The following CNTNAP5 variants were observed in gnomAD, a reference collection of about 807,000 sequenced individuals.
CNTNAP5 encodes contactin associated protein family member 5, also known as contactin-associated protein-like 5.
Under a neutral mutation model 150.2 loss-of-function variants are expected in CNTNAP5, and 72 were observed. The ratio of observed to expected loss-of-function variants is 0.48; its 90% CI spans 0.40 to 0.58. The LOEUF (loss-of-function observed/expected upper bound fraction) is 0.58, where lower values mean the gene tolerates loss of function less well. Ranked by LOEUF, CNTNAP5 falls within the 20% of genes least tolerant of loss-of-function variation. The probability of loss-of-function intolerance (pLI) is 0.00; values close to 1 mark genes in which losing one functional copy is unlikely to be tolerated. For missense variants in CNTNAP5, 1,636 were observed against 1,626.2 expected (o/e 1.01, Z -0.10); for synonymous variants, 672 against 619.8 (o/e 1.08, Z -1.25).
chr2:124,455,407 A>C (rs1031668080), intron 6 of CNTNAP5, among the ~76,000 whole-genome samples: 1 of 152,132 alleles, frequency 6.6e-6, no homozygotes, highest in Non-Finnish European at 1.5e-5. Context: ...AATAGTAATC[A>C]AAAAATTACC....
chr2:124,688,642 G>C (rs1359996320), intron 13 of CNTNAP5, among the ~76,000 whole-genome samples: 3 of 152,034 alleles, frequency 2.0e-5, no homozygotes, highest in Non-Finnish European at 2.9e-5. Context: ...GAGTTCACTC[G>C]GGGACATGCA....
chr2:124,694,175 A>G lies in CNTNAP5; in HGVS notation c.2077+46217A>G, dbSNP rs112123267. Among the ~76,000 whole-genome samples the G allele has an allele frequency of 1.4e-4, 21 of 152,304 alleles. 1 individual carries two copies. Among genetic ancestry groups the G allele is most frequent in the African/African-American group, 4.8e-4 (20 of 41,576 alleles). On this transcript the variant is annotated intron_variant, in intron 13 of 23. Coordinates refer to ENST00000682447, the MANE Select transcript of CNTNAP5 (RefSeq NM_001367498.1). ...CTACTCAGTAAGTTTCTTCAAATGA[A>G]TGCTTTCAGGCCTAGGTAGTAAACA...
At chr2:124,313,354 T>C (rs1185826223) in intron 3 of CNTNAP5, among the ~76,000 whole-genome samples, 1 of 152,196 alleles carries the variant, frequency 6.6e-6, no homozygotes, top group East Asian at 1.9e-4. Flanking sequence ...ACTTCTAGAA[T>C]CTCTGTTACT....
intron 8 of CNTNAP5, among the ~76,000 whole-genome samples, chr2:124,510,281 A>ATATATATC (rs1436160159): frequency 9.1e-5 from 1 of 10,974 alleles, no homozygotes; most frequent in Non-Finnish European, 2.4e-4. Context: ...ATCTATATCT[A>ATATATATC]TATCTATATA....
chr2:124,343,623 G>A (rs1212154953), intron 3 of CNTNAP5, among the ~76,000 whole-genome samples: 1 of 152,136 alleles, frequency 6.6e-6, no homozygotes, highest in East Asian at 1.9e-4. Flanking sequence ...CATAGTTGTA[G>A]AGAAACTTTT....
At chr2:124,713,367 CTT>C (rs1181536205) in intron 13 of CNTNAP5, among the ~76,000 whole-genome samples, 1 of 121,562 alleles carries the variant, frequency 8.2e-6, no homozygotes, top group Non-Finnish European at 1.7e-5. Context: ...TTCTTTCTTT[CTT>C]TCTTTCTTTC....
chr2:124,789,826 C>A, intron 17 of CNTNAP5, 76 bp from the exon 18 acceptor site: 1 of 1,370,264 alleles, frequency 7.3e-7, no homozygotes, highest in Non-Finnish European at 1.0e-6. Context: ...TTAACTCTTA[C>A]CCATGCCAAC....
chr2:124,416,463 C>G (rs772916005), intron 3 of CNTNAP5, among the ~76,000 whole-genome samples: 26 of 151,798 alleles, frequency 1.7e-4, no homozygotes, highest in Non-Finnish European at 2.9e-4. Flanking sequence ...TATTAGTAGA[C>G]CACATAGCTT....
At position 124,586,037 on chromosome 2, in the gene CNTNAP5, A is replaced by G. The variant is rs1265047132; in HGVS notation, c.1756+22714A>G. On this transcript the variant is annotated intron_variant, in intron 11 of 23. Transcript: ENST00000682447. ...ATATGGTCCTGACCAGGAGCTATAAAGAAAGAGGACTGGAGAAGGTGGGTC... is the reference window on the plus strand; with the variant it reads ...ATATGGTCCTGACCAGGAGCTATAAGGAAAGAGGACTGGAGAAGGTGGGTC... Among the ~76,000 whole-genome samples, 5 of 152,146 alleles carry G rather than the reference A, an allele frequency of 3.3e-5. No homozygotes were observed. The East Asian group carries it at 7.7e-4, about 24-fold the overall frequency.
Position 124,723,928 on chromosome 2 carries a change from A to G in CNTNAP5, c.2078-23301A>G, listed in dbSNP as rs969029065. The stretch of plus-strand genomic sequence containing the variant: ...TGGGAGGCTGAGGTGGGTGGATCAC[A>G]AGGGCAGGAGATTGAGGCCATCCTG... On this transcript the variant is annotated intron_variant, in intron 13 of 23. Coordinates refer to ENST00000682447, the MANE Select transcript of CNTNAP5 (RefSeq NM_001367498.1). Among the ~76,000 whole-genome samples, 27 of 149,286 alleles carry G rather than the reference A, an allele frequency of 1.8e-4. 1 individual carries two copies.
chr2:124,130,347 A>C (rs529042195), intron 1 of CNTNAP5, among the ~76,000 whole-genome samples: 1 of 151,866 alleles, frequency 6.6e-6, no homozygotes, highest in African/African-American at 2.4e-5. Context: ...CCTGTTGCCA[A>C]ATCTCTGGGC....
chr2:124,104,939 C>G (rs1202315234), intron 1 of CNTNAP5, among the ~76,000 whole-genome samples: 1 of 152,170 alleles, frequency 6.6e-6, no homozygotes, highest in Admixed American at 6.5e-5. Flanking sequence ...TAATCATATA[C>G]AGTTAAAGTT....
intron 19 of CNTNAP5, among the ~76,000 whole-genome samples, chr2:124,847,895 T>G (rs1683081687): frequency 6.6e-6 from 1 of 152,216 alleles, no homozygotes; most frequent in Non-Finnish European, 1.5e-5. Flanking sequence ...TTATTTTCCA[T>G]AGAATTTATA....
intron 3 of CNTNAP5, among the ~76,000 whole-genome samples, chr2:124,252,486 G>A (rs1687209400): frequency 6.6e-6 from 1 of 152,082 alleles, no homozygotes; most frequent in Non-Finnish European, 1.5e-5. Flanking sequence ...TCTTTTTTCT[G>A]AGCCCTCTCT....
chr2:124,861,667 G>T (rs1677526801), intron 19 of CNTNAP5, among the ~76,000 whole-genome samples: 1 of 152,116 alleles, frequency 6.6e-6, no homozygotes, highest in Non-Finnish European at 1.5e-5. Context: ...AGAAGAAGCA[G>T]CTAGATTTAA....
At chr2:124,474,669 G>A (rs556081724) in intron 6 of CNTNAP5, 70 bp from the exon 7 acceptor site, 93 of 1,342,926 alleles carry the variant, frequency 6.9e-5, no homozygotes, top group Middle Eastern at 1.9e-4. Context: ...AAAAACGCAC[G>A]TGTTTACTTT....
chr2:124,612,327 T>C (rs920067552), intron 12 of CNTNAP5, among the ~76,000 whole-genome samples: 3 of 152,184 alleles, frequency 2.0e-5, no homozygotes, highest in Non-Finnish European at 4.4e-5. Flanking sequence ...AATATACATA[T>C]ACATTTAAAT....
intron 11 of CNTNAP5, among the ~76,000 whole-genome samples, chr2:124,578,260 G>T (rs565011469): frequency 6.6e-4 from 100 of 150,630 alleles, no homozygotes; most frequent in Middle Eastern, 3.5e-3. Context: ...AACTCGGGAG[G>T]CATAGGCTGC....
At chr2:124,740,252 GT>G (rs1175599671) in intron 13 of CNTNAP5, among the ~76,000 whole-genome samples, 1 of 152,066 alleles carries the variant, frequency 6.6e-6, no homozygotes, top group Non-Finnish European at 1.5e-5. Context: ...ACAAGATCTG[GT>G]TTCATTAGGT....
Sources: allele counts gnomAD v4.1 joint callset (sites outside exome capture counted in the v4.1 genomes callset), GRCh38; gene constraint gnomAD v4.1.1; transcripts MANE v1.5; gene names NCBI Gene and HGNC (gene_info 2026-07-23, HGNC 2026-07-21).